PRMT3: variants seen among roughly 807,000 people sequenced by gnomAD.
PRMT3 encodes the protein protein arginine N-methyltransferase 3.
PRMT3 carries 62 observed loss-of-function variants against 71.9 expected under a neutral mutation model. The observed-to-expected ratio is 0.86, with a 90% CI of 0.70 to 1.07. PRMT3 has a LOEUF of 1.07. Among genes scored for constraint, PRMT3 ranks in the 50% least tolerant of loss-of-function variants. PRMT3 has a pLI of 0.00. For synonymous variants in PRMT3, 213 were observed against 220.4 expected, an observed-to-expected ratio of 0.97 and a Z score of 0.30; for missense variants, 663 against 643.0, an observed-to-expected ratio of 1.03 and a Z score of -0.34.
At chr11:20,455,626 T>A (rs1850250933) in intron 11 of PRMT3, among the ~76,000 whole-genome samples, 1 of 152,094 alleles carries the variant, frequency 6.6e-6, no homozygotes. Context: ...ATAATTTGAT[T>A]CCTAATTTTT....
At chr11:20,450,290 A>C (rs556690417) in intron 10 of PRMT3, among the ~76,000 whole-genome samples, 44 of 152,258 alleles carry the variant, frequency 2.9e-4, no homozygotes, top group African/African-American at 9.1e-4. Context: ...TTTACCAGCC[A>C]ATCTTTTCTT....
chr11:20,491,877 T>G lies in PRMT3; in HGVS notation c.1348-2042T>G, dbSNP rs1851216401. Among the ~76,000 whole-genome samples the G allele has an allele frequency of 2.6e-5, 4 of 152,176 alleles. No individual in the cohort carries two copies. In the South Asian group the frequency reaches 8.3e-4, roughly 31 times the overall value. On this transcript the variant is annotated intron_variant, in intron 13 of 15. Coordinates refer to ENST00000331079, the MANE Select transcript of PRMT3 (RefSeq NM_005788.4). ...CTTTTCTAGCTCTCTCCTCTCCATA[T>G]TTGTCCCACATGTTCCATGCTTTTC...
chr11:20,418,483 A>C (rs1849356217), intron 9 of PRMT3, among the ~76,000 whole-genome samples: 1 of 152,158 alleles, frequency 6.6e-6, no homozygotes, highest in Non-Finnish European at 1.5e-5. Context: ...CTTTCTTGTT[A>C]TAGTCATATT....
chr11:20,397,767 T>C (rs767255161), intron 7 of PRMT3, 46 bp downstream of exon 7: 4 of 1,592,646 alleles, frequency 2.5e-6, no homozygotes, highest in Non-Finnish European at 2.6e-6. Context: ...AAAGGAAAAA[T>C]AGAACAGGTT....
At chr11:20,482,954 T>C (rs1191105896) in intron 13 of PRMT3, among the ~76,000 whole-genome samples, 1 of 152,110 alleles carries the variant, frequency 6.6e-6, no homozygotes, top group East Asian at 1.9e-4. Context: ...ATATATCAGG[T>C]ACATAACAGA....
At chr11:20,451,225 C>T (rs989116471) in intron 10 of PRMT3, among the ~76,000 whole-genome samples, 3 of 151,734 alleles carry the variant, frequency 2.0e-5, no homozygotes, top group Non-Finnish European at 4.4e-5. Context: ...ACTCTAAAAT[C>T]GGTAGTACAC....
At chr11:20,396,159 C>T (rs941172545) in intron 6 of PRMT3, among the ~76,000 whole-genome samples, 197 bp downstream of exon 6, 5 of 152,104 alleles carry the variant, frequency 3.3e-5, no homozygotes, top group Admixed American at 3.3e-4. Context: ...ATAGTTTTAC[C>T]TATTCTGATA....
At position 20,454,316 on chromosome 11, in the gene PRMT3, A is replaced by G. The variant is rs147900792; in HGVS notation, c.1072+2108A>G. Among the ~76,000 whole-genome samples, 912 of 152,290 alleles carry G rather than the reference A, an allele frequency of 6.0e-3. 14 individuals are homozygous for G. Among genetic ancestry groups the G allele is most frequent in the Non-Finnish European group, 6.7e-3 (456 of 68,000 alleles). Reference sequence around the variant, plus strand: ...TTCCAGACCTGCCTGACTTGATCTTATTGAGGAACTGACAGCAACTTAATA... The same window carrying G: ...TTCCAGACCTGCCTGACTTGATCTTGTTGAGGAACTGACAGCAACTTAATA... On this transcript the variant is annotated intron_variant, in intron 11 of 15. Coordinates refer to ENST00000331079, the MANE Select transcript of PRMT3 (RefSeq NM_005788.4).
At chr11:20,416,567 T>C (rs548615786) in intron 9 of PRMT3, among the ~76,000 whole-genome samples, 2 of 152,278 alleles carry the variant, frequency 1.3e-5, no homozygotes, top group South Asian at 4.1e-4. Flanking sequence ...ATTTGGGACA[T>C]TACATATTCA....
rs140089879 is a variant in PRMT3, at chr11:20,471,555, C to T, written c.1347+7009C>T. On this transcript the variant is annotated intron_variant, in intron 13 of 15. Transcript: ENST00000331079. ...AGTCTTATTTCTGAGCTCTCCATTC[C>T]GTTCCATTGGTCTATGTGTCTGTCC... Among the ~76,000 whole-genome samples, 1,017 of 152,094 alleles carry T rather than the reference C, an allele frequency of 6.7e-3. 38 individuals carry two copies. Among genetic ancestry groups the T allele is most frequent in the Admixed American group, 0.052 (789 of 15,250 alleles).
intron 13 of PRMT3, among the ~76,000 whole-genome samples, chr11:20,470,351 A>G (rs1223716026): frequency 6.6e-6 from 1 of 152,132 alleles, no homozygotes; most frequent in Non-Finnish European, 1.5e-5. Context: ...TCACCCAGGT[A>G]TTATGCCCAG....
intron 10 of PRMT3, among the ~76,000 whole-genome samples, chr11:20,451,922 A>G (rs755601304): frequency 4.6e-5 from 7 of 152,178 alleles, no homozygotes; most frequent in East Asian, 1.9e-4. Context: ...TTTTACCACA[A>G]TAAACTTTCT....
chr11:20,397,807 G>A (rs1358686172), intron 7 of PRMT3, 86 bp downstream of exon 7: 2 of 1,404,872 alleles, frequency 1.4e-6, no homozygotes, highest in Non-Finnish European at 1.9e-6. Context: ...CACTATAGGA[G>A]ACCTCTTTTT....
chr11:20,434,209 C>T (rs1307468956), intron 10 of PRMT3, among the ~76,000 whole-genome samples: 1 of 152,116 alleles, frequency 6.6e-6, no homozygotes, highest in Admixed American at 6.5e-5. Context: ...CCTTTGCCCA[C>T]CTTTTAATGG....
At chr11:20,474,590 A>G (rs888211558) in intron 13 of PRMT3, among the ~76,000 whole-genome samples, 2 of 152,152 alleles carry the variant, frequency 1.3e-5, no homozygotes, top group Non-Finnish European at 2.9e-5. Context: ...GTGGCTTACA[A>G]AGGGATCTCC....
intron 10 of PRMT3, among the ~76,000 whole-genome samples, chr11:20,446,114 C>T (rs1850021692): frequency 6.6e-6 from 1 of 152,092 alleles, no homozygotes; most frequent in Non-Finnish European, 1.5e-5. Flanking sequence ...GTTGCTAGAG[C>T]ACAGGGTGTG....
intron 13 of PRMT3, among the ~76,000 whole-genome samples, chr11:20,465,289 T>G (rs1850486043): frequency 6.6e-6 from 1 of 152,044 alleles, no homozygotes; most frequent in South Asian, 2.1e-4. Context: ...TTTACTGCTG[T>G]CAGGAGACTC....
chr11:20,487,982 T>C (rs1356615982), intron 13 of PRMT3, among the ~76,000 whole-genome samples: 1 of 152,200 alleles, frequency 6.6e-6, no homozygotes, highest in Non-Finnish European at 1.5e-5. Context: ...ATTTTTGGAC[T>C]ATTGCCTGTT....
chr11:20,426,018 C>G (rs1849537593), intron 9 of PRMT3, among the ~76,000 whole-genome samples: 1 of 152,188 alleles, frequency 6.6e-6, no homozygotes, highest in Admixed American at 6.5e-5. Flanking sequence ...AGCTTACATT[C>G]ACCTTTGTGA....
Sources: gnomAD v4.1 joint callset for allele counts (sites outside exome capture counted in the v4.1 genomes callset) on GRCh38, gnomAD v4.1.1 for gene constraint, MANE v1.5 for transcripts, NCBI Gene and HGNC (gene_info 2026-07-23, HGNC 2026-07-21) for gene names.